ATP8A2: variants seen among roughly 807,000 people sequenced by gnomAD.
ATP8A2 encodes phospholipid-transporting ATPase IB.
ATP8A2 carries 100 observed loss-of-function variants against 165.6 expected under a neutral mutation model. The observed-to-expected ratio is 0.60, with a 90% CI of 0.51 to 0.71. The LOEUF (loss-of-function observed/expected upper bound fraction) is 0.71. Among genes scored for constraint, ATP8A2 ranks in the 30% least tolerant of loss-of-function variants. The probability of loss-of-function intolerance (pLI) is 0.00; values close to 1 mark genes in which losing one functional copy is unlikely to be tolerated. For synonymous variants in ATP8A2, 543 were observed against 548.8 expected (o/e 0.99, Z 0.15); for missense variants, 1,227 against 1,479.5 (o/e 0.83, Z 2.80).
chr13:25,574,972 T>A (rs1297092536), intron 19 of ATP8A2, 115 bp downstream of exon 19: 2 of 526,412 alleles, frequency 3.8e-6, no homozygotes, highest in Non-Finnish European at 6.6e-6. Context: ...GTATTAAATA[T>A]AATAAATGTA....
At chr13:25,447,528 GA>G in intron 1 of ATP8A2, among the ~76,000 whole-genome samples, 1 of 152,206 alleles carries the variant, frequency 6.6e-6, no homozygotes, top group Non-Finnish European at 1.5e-5. Flanking sequence ...GAGCTGGGGT[GA>G]GTGCCTTTGG....
chr13:25,659,530 A>G (rs1384374394), intron 24 of ATP8A2, among the ~76,000 whole-genome samples: 1 of 152,186 alleles, frequency 6.6e-6, no homozygotes, highest in East Asian at 1.9e-4. Context: ...ACACCACTGG[A>G]AAGAGAATGC....
chr13:25,713,518 CT>C (rs1377943991), intron 25 of ATP8A2, among the ~76,000 whole-genome samples: 1 of 152,090 alleles, frequency 6.6e-6, no homozygotes, highest in African/African-American at 2.4e-5. Flanking sequence ...CTCTCATTGC[CT>C]TGTACCGAGA....
chr13:25,942,862 G>A (rs1955108178), intron 33 of ATP8A2, among the ~76,000 whole-genome samples: 1 of 152,202 alleles, frequency 6.6e-6, no homozygotes, highest in Admixed American at 6.5e-5. Context: ...CTACCTGGAA[G>A]TAACATCTGC....
intron 27 of ATP8A2, among the ~76,000 whole-genome samples, chr13:25,802,147 G>C (rs777496694): frequency 3.3e-5 from 5 of 152,174 alleles, no homozygotes; most frequent in African/African-American, 4.8e-5. Context: ...ACTTTAAAAA[G>C]TTTTGCCTTG....
chr13:25,786,273 A>G (rs1283059859), intron 27 of ATP8A2, among the ~76,000 whole-genome samples: 1 of 152,190 alleles, frequency 6.6e-6, no homozygotes, highest in Non-Finnish European at 1.5e-5. Context: ...ATGTCCTAAG[A>G]GTTTAGAATG....
chr13:25,447,925 T>C (rs2138223506), intron 1 of ATP8A2, among the ~76,000 whole-genome samples: 1 of 152,278 alleles, frequency 6.6e-6, no homozygotes, highest in African/African-American at 2.4e-5. Flanking sequence ...TCTCCAACCG[T>C]AGTCTTTGAT....
chr13:25,592,902 A>G (rs1363785259), intron 24 of ATP8A2, among the ~76,000 whole-genome samples: 1 of 152,080 alleles, frequency 6.6e-6, no homozygotes, highest in African/African-American at 2.4e-5. Flanking sequence ...CTAATTTTGA[A>G]CTTCATCTTT....
chr13:25,478,024 C>CT (rs2036043948), intron 2 of ATP8A2, among the ~76,000 whole-genome samples: 1 of 152,148 alleles, frequency 6.6e-6, no homozygotes, highest in Admixed American at 6.5e-5. Context: ...ATGCTAAACT[C>CT]TTGTTTTTCT....
intron 24 of ATP8A2, among the ~76,000 whole-genome samples, chr13:25,627,706 T>C (rs1593681410): frequency 6.6e-6 from 1 of 152,192 alleles, no homozygotes; most frequent in East Asian, 1.9e-4. Flanking sequence ...CTGTGGCATT[T>C]TGTTATGGCA....
intron 24 of ATP8A2, among the ~76,000 whole-genome samples, chr13:25,606,345 A>T (rs989071022): frequency 6.6e-6 from 1 of 152,150 alleles, no homozygotes; most frequent in Non-Finnish European, 1.5e-5. Context: ...TTTCTTTTAA[A>T]TTTTCCAATC....
At chr13:25,451,316 C>A (rs1229129415) in intron 1 of ATP8A2, among the ~76,000 whole-genome samples, 1 of 151,530 alleles carries the variant, frequency 6.6e-6, no homozygotes, top group Admixed American at 6.6e-5. Flanking sequence ...TGTTTGAGTT[C>A]CCCTCTCACT....
At position 25,775,930 on chromosome 13, in the gene ATP8A2, A is replaced by C. The variant is rs146993931; in HGVS notation, c.2679+971A>C. Among the ~76,000 whole-genome samples the C allele has an allele frequency of 4.6e-5, 7 of 152,276 alleles. No individual in the cohort carries two copies. In the East Asian group the frequency reaches 1.4e-3, roughly 29 times the overall value. On this transcript the variant is annotated intron_variant, in intron 27 of 36. Coordinates refer to ENST00000381655, the MANE Select transcript of ATP8A2 (RefSeq NM_016529.6). ...GGTAGCTGTAACTAACTACTTCTTT[A>C]CCCGGTTGTCTAATCTTTCCTACTC...
At chr13:25,445,719 G>A (rs2035049318) in intron 1 of ATP8A2, among the ~76,000 whole-genome samples, 2 of 152,214 alleles carry the variant, frequency 1.3e-5, no homozygotes, top group South Asian at 4.1e-4. Flanking sequence ...GATGGTGGTA[G>A]ATGGTGGCTG....
chr13:25,647,121 C>T (rs904720642), intron 24 of ATP8A2, among the ~76,000 whole-genome samples: 1 of 152,108 alleles, frequency 6.6e-6, no homozygotes, highest in African/African-American at 2.4e-5. Context: ...TGTCTTTTAA[C>T]CCTTGTACAA....
At chr13:25,887,477 T>A (rs1485414158) in intron 33 of ATP8A2, among the ~76,000 whole-genome samples, 1 of 152,116 alleles carries the variant, frequency 6.6e-6, no homozygotes, top group African/African-American at 2.4e-5. Context: ...TAGCTGGGAT[T>A]ACAGGCGTCG....
chr13:25,657,950 C>T (rs779283239), intron 24 of ATP8A2, among the ~76,000 whole-genome samples: 35 of 152,108 alleles, frequency 2.3e-4, no homozygotes, highest in Non-Finnish European at 4.6e-4. Context: ...ATGGAGGTAA[C>T]GTTACTTTTG....
intron 2 of ATP8A2, among the ~76,000 whole-genome samples, chr13:25,509,008 T>C (rs1021810232): frequency 2.6e-5 from 4 of 152,226 alleles, no homozygotes; most frequent in Non-Finnish European, 4.4e-5. Context: ...AGAGTTGTAT[T>C]TACATGGTGT....
intron 2 of ATP8A2, among the ~76,000 whole-genome samples, chr13:25,476,636 C>T (rs995967542): frequency 1.3e-5 from 2 of 152,130 alleles, no homozygotes; most frequent in Non-Finnish European, 2.9e-5. Context: ...TCTTAAAAAC[C>T]AAGGTTATGT....
Sources: gnomAD v4.1 joint callset for allele counts (sites outside exome capture counted in the v4.1 genomes callset) on GRCh38, gnomAD v4.1.1 for gene constraint, MANE v1.5 for transcripts, NCBI Gene and HGNC (gene_info 2026-07-23, HGNC 2026-07-21) for gene names.